B4GALNT3: variants seen among roughly 807,000 people sequenced by gnomAD.
B4GALNT3 encodes beta-1,4-N-acetyl-galactosaminyltransferase 3.
Under a neutral mutation model 120.2 loss-of-function variants are expected in B4GALNT3, and 86 were observed. The observed-to-expected ratio is 0.72, with a 90% CI of 0.60 to 0.86. B4GALNT3 has a LOEUF of 0.86. Among genes scored for constraint, B4GALNT3 ranks in the 40% least tolerant of loss-of-function variants. The pLI is 0.00. For synonymous variants in B4GALNT3, 518 were observed against 510.4 expected (o/e 1.01, Z -0.20); for missense variants, 1,167 against 1,298.9 (o/e 0.90, Z 1.56).
rs1020357424 is a variant in B4GALNT3 at position 548,800 on chromosome 12, C to T, written c.853+503C>T. ...TGGCGCATGCCTGTAGTCACAGCTA[C>T]TGGGAAGGATCGCTTGAGCCCAGGA... On this transcript the variant is annotated intron_variant, in intron 9 of 19. Coordinates refer to ENST00000266383, the MANE Select transcript of B4GALNT3 (RefSeq NM_173593.4). This position sits in a 1 kb window ranked among gnomAD's most constrained non-coding sequence, Gnocchi z 4.9. 6.6e-6 allele frequency among the ~76,000 whole-genome samples: 1 copy of T among 152,112 alleles called. No homozygotes were observed. The highest frequency in any genetic ancestry group is 2.4e-5 in the African/African-American group (1 of 41,412).
Position 558,023 on chromosome 12 carries a change from T to G in B4GALNT3, c.2542T>G (p.Tyr848Asp). The G allele has an allele frequency of 1.9e-6, 3 of 1,613,944 alleles. No homozygotes were observed. The highest frequency in any genetic ancestry group is 2.5e-6 in the Non-Finnish European group (3 of 1,180,012). The change falls in exon 17 of 20, where the codon TAC becomes GAC. Residue 848 changes from tyrosine (Y) to aspartate (D), a missense_variant. Tyr to Asp is a radical substitution (Grantham distance 160). Coordinates refer to ENST00000266383, the MANE Select transcript of B4GALNT3 (RefSeq NM_173593.4). ...TCTCTCCCCTTCCTGCAGCTACCAG[T>G]ACGTGAAGCTAAGTGGAAACTTTGA... ...LKRSKLRSYQ[Y>D]VKLSGNFERS...
chr12:518,620 A>G (rs1946680070), intron 1 of B4GALNT3, among the ~76,000 whole-genome samples: 1 of 152,024 alleles, frequency 6.6e-6, no homozygotes, highest in African/African-American at 2.4e-5. Context: ...CCTGGTCTCC[A>G]ACTCCTGGGC....
At chr12:509,723 G>A (rs1946528690) in intron 1 of B4GALNT3, among the ~76,000 whole-genome samples, 1 of 152,114 alleles carries the variant, frequency 6.6e-6, no homozygotes, top group South Asian at 2.1e-4. Context: ...CCTCCGAGGT[G>A]GTGTTTGGAA....
chr12:549,421 G>A (rs1331854862), intron 9 of B4GALNT3, among the ~76,000 whole-genome samples: 1 of 152,240 alleles, frequency 6.6e-6, no homozygotes, highest in Non-Finnish European at 1.5e-5. Flanking sequence ...TCTTAGAGCA[G>A]GGCCTGGCTT....
chr12:549,726 C>G lies in B4GALNT3; in HGVS notation c.854-43C>G, dbSNP rs368305297. The G allele has an allele frequency of 1.9e-6, 3 of 1,612,690 alleles. No homozygotes were observed. In the South Asian group the frequency reaches 3.3e-5, roughly 18 times the overall value. On this transcript the variant is annotated intron_variant, in intron 9 of 19. Transcript: ENST00000266383. ...TTCAAGGGCAGTGGGCTGCTGCGCT[C>G]CAGGCCACACAGCCTCCTGCTTTCT...
rs1947194323 is a variant in B4GALNT3, at chr12:559,157, A to G, written c.2762-138A>G. 3.5e-6 allele frequency: 4 copies of G among 1,158,364 alleles called. No homozygotes were observed. In the Admixed American group the frequency reaches 6.5e-5, roughly 19 times the overall value. The allele number at this position is 1,158,364 out of a possible 1,614,324, so 71.8% of individuals were successfully genotyped here. A position where few individuals can be genotyped will look rare whatever the true frequency, so the allele number is the denominator to read the frequency against. ...TCCAAAACAGGCAAAGTACTTGTTC[A>G]GCTAAGACAGTTTTCAGCCTCCCTC... On this transcript the variant is annotated intron_variant, in intron 18 of 19. Transcript: ENST00000266383.
intron 1 of B4GALNT3, among the ~76,000 whole-genome samples, chr12:511,013 CTTTTTTTTT>C (rs762032000): frequency 3.2e-4 from 14 of 43,904 alleles, no homozygotes; most frequent in African/African-American, 9.8e-4. Flanking sequence ...TTTGCCTATT[CTTTTTTTTT>C]TTTTTTTTTT....
chr12:488,050 C>T (rs550283776), intron 1 of B4GALNT3, among the ~76,000 whole-genome samples: 1 of 151,964 alleles, frequency 6.6e-6, no homozygotes, highest in African/African-American at 2.4e-5. Flanking sequence ...TCTCAGAAAC[C>T]GGGTATGGGC....
chr12:484,836 A>C (rs1946275506), intron 1 of B4GALNT3, among the ~76,000 whole-genome samples: 1 of 150,462 alleles, frequency 6.6e-6, no homozygotes, highest in African/African-American at 2.4e-5. Context: ...GGTTTGGAGG[A>C]TGCTAAATTC....
At chr12:525,118 A>G (rs975946316) in intron 1 of B4GALNT3, among the ~76,000 whole-genome samples, 1 of 151,722 alleles carries the variant, frequency 6.6e-6, no homozygotes, top group African/African-American at 2.4e-5. Context: ...TTATTTATTT[A>G]TTGTTGTTGA....
At chr12:546,745 G>C (rs1468551767) in intron 7 of B4GALNT3, 32 bp downstream of exon 7, 2 of 1,533,834 alleles carry the variant, frequency 1.3e-6, no homozygotes, top group Non-Finnish European at 1.8e-6. Flanking sequence ...CGCTGTGGGC[G>C]CCTCGGTGCC....
At chr12:555,070 T>C (rs1340331432) in intron 14 of B4GALNT3, among the ~76,000 whole-genome samples, 10 of 150,890 alleles carry the variant, frequency 6.6e-5, no homozygotes, top group African/African-American at 2.4e-4. Flanking sequence ...CCCAGCTACT[T>C]GGGAGGCTGA....
At chr12:481,314 GT>G (rs1470523414) in intron 1 of B4GALNT3, among the ~76,000 whole-genome samples, 1 of 152,234 alleles carries the variant, frequency 6.6e-6, no homozygotes, top group Non-Finnish European at 1.5e-5. Flanking sequence ...GTGGCAGCAA[GT>G]TGAAAAGCTA....
At position 552,523 on chromosome 12, in the gene B4GALNT3, A is replaced by C. The variant is rs776861143; in HGVS notation, c.1265A>C (p.Gln422Pro). Residue 422 changes from glutamine to proline, a missense_variant, in exon 13 of 20, where the codon CAG (glutamine) becomes CCG (proline). By Grantham distance (76) the Gln-to-Pro change is moderately conservative. This residue lies in a region of B4GALNT3 where 983 missense variants were observed against 1,102.5 expected (regional missense o/e 0.89). Coordinates refer to ENST00000266383, the MANE Select transcript of B4GALNT3 (RefSeq NM_173593.4). Reference protein sequence around the residue: ...IDQPEKQGLEQPGFEENLLEE... With the variant: ...IDQPEKQGLEPPGFEENLLEE... ...CAGCCTGAGAAGCAGGGGCTGGAGCAGCCAGGTACAGAGTGACAGCTGAGG... is the reference window on the plus strand; with the variant it reads ...CAGCCTGAGAAGCAGGGGCTGGAGCCGCCAGGTACAGAGTGACAGCTGAGG... 16 of 1,613,562 alleles carry C rather than the reference A, an allele frequency of 9.9e-6. No homozygotes were observed. Among genetic ancestry groups the C allele is most frequent in the Non-Finnish European group, 1.2e-5 (14 of 1,179,914 alleles).
At chr12:534,840 G>T (rs1946842426) in intron 1 of B4GALNT3, among the ~76,000 whole-genome samples, 1 of 152,186 alleles carries the variant, frequency 6.6e-6, no homozygotes, top group African/African-American at 2.4e-5. Flanking sequence ...GGCAGCTCTC[G>T]GGATAAATTG....
rs764046942 is a variant in B4GALNT3 at position 552,068 on chromosome 12, T to C, written c.1113T>C (p.His371=). 1.7e-5 allele frequency: 28 copies of C among 1,603,328 alleles called. No individual in the cohort carries two copies. Among genetic ancestry groups the C allele is most frequent in the Non-Finnish European group, 2.3e-5 (27 of 1,170,362 alleles). ...LQRYQGLRFV[H]LSFVYPNDYT... Reference sequence around the variant, plus strand: ...GCTGATTTTTCCACTTCCAGGTTCATCTGTCTTTTGTTTACCCCAATGACT... The same window carrying C: ...GCTGATTTTTCCACTTCCAGGTTCACCTGTCTTTTGTTTACCCCAATGACT... Residue 371 remains histidine (H), a synonymous_variant, in exon 12 of 20, where the codon CAT becomes CAC. Coordinates refer to ENST00000266383, the MANE Select transcript of B4GALNT3 (RefSeq NM_173593.4).
Position 548,357 on chromosome 12 carries a change from G to A in B4GALNT3, c.853+60G>A. On this transcript the variant is annotated intron_variant, in intron 9 of 19. Transcript: ENST00000266383. The surrounding 1 kb of genome is among the most constrained non-coding windows in gnomAD (Gnocchi z 4.9). ...GCCAGGTGGGGACAGCCTACCCTGGGGGATTTGGCAGGGGAGGAGGGGAGG... is the reference window on the plus strand; with the variant it reads ...GCCAGGTGGGGACAGCCTACCCTGGAGGATTTGGCAGGGGAGGAGGGGAGG... The A allele has an allele frequency of 6.5e-7, 1 of 1,542,552 alleles. No homozygotes were observed. The highest frequency in any genetic ancestry group is 9.0e-7 in the Non-Finnish European group (1 of 1,115,788).
intron 1 of B4GALNT3, among the ~76,000 whole-genome samples, chr12:501,613 A>C (rs1278665407): frequency 6.6e-6 from 1 of 152,206 alleles, no homozygotes; most frequent in Non-Finnish European, 1.5e-5. Flanking sequence ...AATAGGGGTC[A>C]GAGAACTAGA....
chr12:558,623 T>A lies in B4GALNT3; in HGVS notation c.2723T>A (p.Met908Lys). The change falls in exon 18 of 20, where the codon ATG (methionine) becomes AAG (lysine). Residue 908 changes from methionine (M) to lysine (K), a missense_variant. Met to Lys is a moderately conservative substitution (Grantham distance 95, BLOSUM62 -1). Transcript: ENST00000266383. Reference protein sequence around the residue: ...EGKMAFAPMVMRLHCGATPQW... With the variant: ...EGKMAFAPMVKRLHCGATPQW... ...AAGATGGCCTTTGCCCCCATGGTGATGAGGCTGCATTGTGGGGCCACCCCC... is the reference window on the plus strand; with the variant it reads ...AAGATGGCCTTTGCCCCCATGGTGAAGAGGCTGCATTGTGGGGCCACCCCC... The A allele has an allele frequency of 6.2e-7, 1 of 1,613,906 alleles. No homozygotes were observed. The highest frequency in any genetic ancestry group is 8.5e-7 in the Non-Finnish European group (1 of 1,179,810).
Sources: gnomAD v4.1 joint callset for allele counts (sites outside exome capture counted in the v4.1 genomes callset) on GRCh38, gnomAD v4.1.1 for gene constraint, gnomAD v4.1.1 regional missense constraint, Gnocchi (gnomAD v3.1) non-coding constraint, MANE v1.5 for transcripts, NCBI Gene and HGNC (gene_info 2026-07-23, HGNC 2026-07-21) for gene names.